PRRG1: variants seen among roughly 807,000 people sequenced by gnomAD.
PRRG1 encodes the protein proline rich and Gla domain 1, also known as transmembrane gamma-carboxyglutamic acid protein 1.
A neutral mutation model predicts 11.8 loss-of-function variants in PRRG1; 5 were observed. That is an observed-to-expected ratio of 0.42 (90% CI 0.22 to 0.89). The LOEUF is 0.89. PRRG1 is among the 40% of genes least tolerant of loss of function. PRRG1 has a pLI of 0.28. For synonymous variants in PRRG1, 66 were observed against 60.4 expected (o/e 1.09, Z -0.43); for missense variants, 155 against 166.1 (o/e 0.93, Z 0.37).
chrX:37,404,443 A>G (rs1420443503), intron 1 of PRRG1, among the ~76,000 whole-genome samples: 3 of 112,122 alleles, frequency 2.7e-5, no homozygotes, highest in African/African-American at 9.7e-5. Context: ...GGTTACAGTT[A>G]AAATTGAGAT....
At chrX:37,448,893 G>A (rs1406702747) in intron 3 of PRRG1, among the ~76,000 whole-genome samples, 11 of 111,737 alleles carry the variant, frequency 9.8e-5, no homozygotes, top group African/African-American at 3.3e-4. Flanking sequence ...AGCCTCTGAA[G>A]TAGCTGAGGG....
intron 1 of PRRG1, among the ~76,000 whole-genome samples, chrX:37,399,526 C>T (rs1183239661): frequency 9.0e-6 from 1 of 110,696 alleles, no homozygotes; most frequent in African/African-American, 3.3e-5. Context: ...ACTGCAAAAT[C>T]ATGCCAAATT....
chrX:37,398,258 G>A (rs782321185), intron 1 of PRRG1, among the ~76,000 whole-genome samples: 2 of 110,726 alleles, frequency 1.8e-5, no homozygotes, highest in South Asian at 7.9e-4. Context: ...CGCCTCACAC[G>A]GCCGGGTACT....
intron 1 of PRRG1, among the ~76,000 whole-genome samples, chrX:37,387,061 A>T (rs1299097045): frequency 8.9e-6 from 1 of 111,921 alleles, no homozygotes; most frequent in East Asian, 2.8e-4. Flanking sequence ...AGAAGTATGT[A>T]GCTAATCATA....
At chrX:37,406,510 A>G (rs984122930) in intron 2 of PRRG1, among the ~76,000 whole-genome samples, 1 of 109,478 alleles carries the variant, frequency 9.1e-6, no homozygotes, top group African/African-American at 3.3e-5. Context: ...TTGATACTAT[A>G]TATATAGTAT....
intron 1 of PRRG1, among the ~76,000 whole-genome samples, chrX:37,359,824 A>G (rs1930358168): frequency 9.0e-6 from 1 of 111,381 alleles, no homozygotes; most frequent in South Asian, 3.8e-4. Context: ...CACATTGTCT[A>G]TTTCTTGTGT....
At chrX:37,439,063 A>G (rs1328838968) in intron 3 of PRRG1, among the ~76,000 whole-genome samples, 1 of 111,882 alleles carries the variant, frequency 8.9e-6, no homozygotes, top group Admixed American at 9.5e-5. Context: ...AAGGAATTGC[A>G]AAAGAATTTG....
At chrX:37,358,278 A>G (rs1365049530) in intron 1 of PRRG1, among the ~76,000 whole-genome samples, 1 of 111,965 alleles carries the variant, frequency 8.9e-6, no homozygotes, top group African/African-American at 3.2e-5. Context: ...CAGTCCTTTC[A>G]TGAATCATAC....
intron 1 of PRRG1, among the ~76,000 whole-genome samples, chrX:37,367,705 G>A (rs1178437378): frequency 8.9e-6 from 1 of 112,123 alleles, no homozygotes; most frequent in African/African-American, 3.2e-5. Context: ...TATTGTGGCT[G>A]GTCCTATAGC....
At chrX:37,404,292 A>T (rs1932121811) in intron 1 of PRRG1, among the ~76,000 whole-genome samples, 1 of 111,200 alleles carries the variant, frequency 9.0e-6, no homozygotes, top group South Asian at 3.8e-4. Flanking sequence ...CTATATCACT[A>T]CCCTGTTTAA....
intron 1 of PRRG1, among the ~76,000 whole-genome samples, chrX:37,369,955 G>GT (rs781812925): frequency 1.1e-3 from 114 of 103,133 alleles, no homozygotes; most frequent in African/African-American, 2.0e-3. Flanking sequence ...TTAAACCTCT[G>GT]TTTTTTTTTT....
chrX:37,370,452 GA>G (rs1556370517), intron 1 of PRRG1, among the ~76,000 whole-genome samples: 1 of 111,765 alleles, frequency 8.9e-6, no homozygotes, highest in Non-Finnish European at 1.9e-5. Flanking sequence ...TCACTCCATG[GA>G]GCCAGCAGGG....
intron 1 of PRRG1, among the ~76,000 whole-genome samples, chrX:37,358,733 T>TA (rs1162255978): frequency 1.4e-4 from 15 of 108,567 alleles, no homozygotes; most frequent in Admixed American, 2.0e-4. Context: ...AGTTGTTTTT[T>TA]AAAAAAAAAA....
chrX:37,397,131 A>G (rs183175814), intron 1 of PRRG1, among the ~76,000 whole-genome samples: 51 of 112,848 alleles, frequency 4.5e-4, no homozygotes, highest in African/African-American at 1.5e-3. Context: ...ATATCTAGGT[A>G]TGACCTGGAA....
chrX:37,431,459 C>G (rs1346117470), intron 3 of PRRG1, among the ~76,000 whole-genome samples: 1 of 112,113 alleles, frequency 8.9e-6, no homozygotes, highest in African/African-American at 3.2e-5. Context: ...GTAGTGATAA[C>G]TTCTTGTGAT....
At chrX:37,357,730 T>C (rs184471330) in intron 1 of PRRG1, among the ~76,000 whole-genome samples, 48 of 112,218 alleles carry the variant, frequency 4.3e-4, no homozygotes, top group Non-Finnish European at 7.3e-4. Context: ...TAGGAGTTGG[T>C]ACTATCCAAG....
At chrX:37,405,245 T>A (rs1556381688) in intron 1 of PRRG1, among the ~76,000 whole-genome samples, 2 of 111,860 alleles carry the variant, frequency 1.8e-5, no homozygotes, top group African/African-American at 6.5e-5. Context: ...GGAAAACTCA[T>A]ATAGTTGAGC....
intron 2 of PRRG1, among the ~76,000 whole-genome samples, chrX:37,406,909 G>T (rs1932203629): frequency 8.9e-6 from 1 of 111,906 alleles, no homozygotes; most frequent in Non-Finnish European, 1.9e-5. Context: ...AAAAGGGTCA[G>T]AATCTAGTTT....
chrX:37,446,752 G>A (rs1363857973), intron 3 of PRRG1, among the ~76,000 whole-genome samples: 1 of 111,634 alleles, frequency 9.0e-6, no homozygotes, highest in Non-Finnish European at 1.9e-5. Context: ...GATTCTGGTG[G>A]GGGCTTTTGT....
Sources: gnomAD v4.1 joint callset for allele counts (sites outside exome capture counted in the v4.1 genomes callset) on GRCh38, gnomAD v4.1.1 for gene constraint, MANE v1.5 for transcripts, NCBI Gene and HGNC (gene_info 2026-07-23, HGNC 2026-07-21) for gene names.